The following DNAJB13 variants were observed in gnomAD, a reference collection of about 807,000 sequenced individuals.
DNAJB13 encodes the protein DnaJ heat shock protein family (Hsp40) member B13.
DNAJB13 carries 22 observed loss-of-function variants against 35.6 expected under a neutral mutation model. The ratio of observed to expected loss-of-function variants is 0.62; its 90% CI spans 0.44 to 0.88. DNAJB13 has a LOEUF of 0.88. Among genes scored for constraint, DNAJB13 ranks in the 40% least tolerant of loss-of-function variants. The pLI is 0.00. For missense variants in DNAJB13, 370 were observed against 384.3 expected (o/e 0.96, Z 0.31); for synonymous variants, 136 against 144.2 (o/e 0.94, Z 0.41).
rs138824892 is a variant in DNAJB13 at position 73,970,064 on chromosome 11, C to G, written c.901C>G (p.Arg301Gly). The G allele has an allele frequency of 4.3e-6, 7 of 1,610,984 alleles. No homozygotes were observed. In the Admixed American group the frequency reaches 1.2e-4, roughly 27 times the overall value. ...CTTCTTCGACATCCAGTTCCCCACCCGCCTCACACCCCAGAAGAAGCAGAT... is the reference window on the plus strand; with the variant it reads ...CTTCTTCGACATCCAGTTCCCCACCGGCCTCACACCCCAGAAGAAGCAGAT... Reference protein sequence around the residue: ...FIFFDIQFPTRLTPQKKQMLR... With the variant: ...FIFFDIQFPTGLTPQKKQMLR... The change falls in exon 8 of 8, where the codon CGC becomes GGC. Residue 301 changes from arginine to glycine, a missense_variant. By Grantham distance (125) the Arg-to-Gly change is moderately radical (BLOSUM62 -2). Coordinates refer to ENST00000339764, the MANE Select transcript of DNAJB13 (RefSeq NM_153614.4).
chr11:73,969,354 A>C (rs1356378669), intron 7 of DNAJB13, 32 bp downstream of exon 7: 5 of 868,854 alleles, frequency 5.8e-6, no homozygotes, highest in Non-Finnish European at 1.0e-5. Flanking sequence ...CCCAGTAGCC[A>C]AGAGAAGGGC....
At chr11:73,958,607 G>A (rs1423757044) in intron 2 of DNAJB13, among the ~76,000 whole-genome samples, 187 bp downstream of exon 2, 1 of 152,246 alleles carries the variant, frequency 6.6e-6, no homozygotes, top group African/African-American at 2.4e-5. Context: ...GGTGGAGGAC[G>A]TGGGGTGTGG....
chr11:73,969,127 C>G, intron 6 of DNAJB13, 119 bp from the exon 7 acceptor site: 1 of 548,366 alleles, frequency 1.8e-6, no homozygotes, highest in South Asian at 2.7e-5. Context: ...TATTGAACAG[C>G]CTCGTCTCCC....
intron 1 of DNAJB13, 30 bp downstream of exon 1, chr11:73,951,167 G>T: frequency 6.2e-7 from 1 of 1,613,358 alleles, no homozygotes; most frequent in Non-Finnish European, 8.5e-7. Context: ...AGGCCTTAGG[G>T]GTGTGCTGGG....
chr11:73,962,466 C>T (rs1001106909), intron 3 of DNAJB13, among the ~76,000 whole-genome samples: 18 of 146,508 alleles, frequency 1.2e-4, no homozygotes, highest in Admixed American at 1.0e-3. Flanking sequence ...GCTGGGTAGG[C>T]GGATGGATGG....
At chr11:73,954,629 C>CAAAAA (rs371177631) in intron 1 of DNAJB13, among the ~76,000 whole-genome samples, 8 of 111,680 alleles carry the variant, frequency 7.2e-5, no homozygotes, top group African/African-American at 1.4e-4. Flanking sequence ...GACTCCGTCT[C>CAAAAA]AAAAAAAAAA....
chr11:73,959,887 C>A, intron 3 of DNAJB13: 2 of 276,088 alleles, frequency 7.2e-6, no homozygotes, highest in Admixed American at 5.2e-5. Context: ...CTCAGCCTCC[C>A]AAGTAGCTGG....
intron 7 of DNAJB13, among the ~76,000 whole-genome samples, 193 bp downstream of exon 7, chr11:73,969,515 GA>G (rs1951219700): frequency 6.6e-6 from 1 of 152,184 alleles, no homozygotes; most frequent in Non-Finnish European, 1.5e-5. Context: ...CTGGCAAAAG[GA>G]ACATCTTTTT....
chr11:73,966,038 G>A (rs1331384011), intron 4 of DNAJB13, 100 bp from the exon 5 acceptor site: 2 of 1,080,242 alleles, frequency 1.9e-6, no homozygotes, highest in Non-Finnish European at 1.4e-6. Flanking sequence ...TCTTTCACGT[G>A]TGCAAAGGTC....
intron 3 of DNAJB13, 64 bp downstream of exon 3, chr11:73,959,719 C>T (rs1342126018): frequency 7.8e-6 from 11 of 1,403,624 alleles, no homozygotes; most frequent in Admixed American, 2.5e-5. Flanking sequence ...GTGATGTTTT[C>T]GTTGAGTAGT....
intron 3 of DNAJB13, among the ~76,000 whole-genome samples, chr11:73,960,332 C>T (rs1404590834): frequency 6.6e-6 from 1 of 152,168 alleles, no homozygotes; most frequent in Non-Finnish European, 1.5e-5. Flanking sequence ...GCACCCACCA[C>T]CACACCCAGC....
chr11:73,967,393 G>C (rs1363985054), intron 5 of DNAJB13, among the ~76,000 whole-genome samples: 1 of 152,158 alleles, frequency 6.6e-6, no homozygotes, highest in East Asian at 1.9e-4. Flanking sequence ...GAGGCATTCA[G>C]AGCCAGGGAA....
intron 1 of DNAJB13, among the ~76,000 whole-genome samples, chr11:73,951,774 G>A (rs1350747668): frequency 6.6e-6 from 1 of 152,172 alleles, no homozygotes. Flanking sequence ...AGCTTCCCAA[G>A]TAGCTGGGAT....
chr11:73,961,497 G>T (rs1950930717), intron 3 of DNAJB13, among the ~76,000 whole-genome samples: 1 of 152,152 alleles, frequency 6.6e-6, no homozygotes, highest in South Asian at 2.1e-4. Flanking sequence ...TGCCTCACTT[G>T]CCTCTGACAG....
intron 3 of DNAJB13, among the ~76,000 whole-genome samples, chr11:73,961,084 C>G (rs920571326): frequency 6.6e-6 from 1 of 151,922 alleles, no homozygotes. Flanking sequence ...TGTAGGAATT[C>G]GGTGCCAACC....
chr11:73,951,188 C>T, intron 1 of DNAJB13, 51 bp downstream of exon 1: 2 of 1,603,200 alleles, frequency 1.2e-6, no homozygotes, highest in Non-Finnish European at 1.7e-6. Flanking sequence ...GCAGGCCCTG[C>T]CCTCTTCTCT....
Position 73,962,427 on chromosome 11 carries a change from G to A in DNAJB13, c.335-2451G>A, listed in dbSNP as rs557487238. 1.8e-3 allele frequency among the ~76,000 whole-genome samples: 269 copies of A among 148,662 alleles called. 2 individuals are homozygous for A. Among genetic ancestry groups the A allele is most frequent in the African/African-American group, 6.1e-3 (233 of 38,410 alleles). ...ATGGTGGGTGGGTGGGTGGGTAGGC[G>A]GACGGATGGCTGGGTAAATGAATGG... On this transcript the variant is annotated intron_variant, in intron 3 of 7. Coordinates refer to ENST00000339764, the MANE Select transcript of DNAJB13 (RefSeq NM_153614.4).
At chr11:73,960,510 CAG>C (rs1950902843) in intron 3 of DNAJB13, among the ~76,000 whole-genome samples, 1 of 152,020 alleles carries the variant, frequency 6.6e-6, no homozygotes, top group African/African-American at 2.4e-5. Context: ...AGAGTAGAGA[CAG>C]GGTTTCGCCA....
intron 3 of DNAJB13, among the ~76,000 whole-genome samples, chr11:73,961,108 C>T (rs1950920491): frequency 6.6e-6 from 1 of 151,980 alleles, no homozygotes; most frequent in African/African-American, 2.4e-5. Flanking sequence ...GCAACATAGC[C>T]AAACCCCATC....
Sources: gnomAD v4.1 joint callset for allele counts (sites outside exome capture counted in the v4.1 genomes callset) on GRCh38, gnomAD v4.1.1 for gene constraint, MANE v1.5 for transcripts, NCBI Gene and HGNC (gene_info 2026-07-23, HGNC 2026-07-21) for gene names.